The following SIPA1L2 variants were observed in gnomAD, a reference collection of about 807,000 sequenced individuals.
SIPA1L2 encodes the protein signal induced proliferation associated 1 like 2.
In SIPA1L2, 56 loss-of-function variants were observed where a neutral mutation model predicts 163.9. The observed-to-expected ratio is 0.34, with a 90% confidence interval of 0.28 to 0.43. SIPA1L2 has a LOEUF of 0.43. Ranked by LOEUF, SIPA1L2 falls within the 20% of genes least tolerant of loss-of-function variation. The probability of loss-of-function intolerance (pLI) is 1.00; values close to 1 mark genes in which losing one functional copy is unlikely to be tolerated. For synonymous variants in SIPA1L2, 877 were observed against 865.7 expected, an observed-to-expected ratio of 1.01 and a Z score of -0.23; for missense variants, 1,974 against 2,193.5, an observed-to-expected ratio of 0.90 and a Z score of 2.00.
intron 2 of SIPA1L2, among the ~76,000 whole-genome samples, chr1:232,535,669 C>A (rs912895605): frequency 7.9e-5 from 12 of 152,124 alleles, no homozygotes; most frequent in Admixed American, 7.9e-4. Context: ...ATACCATGAG[C>A]CTATGTCCAA....
At chr1:232,420,805 G>A (rs991633571) in intron 18 of SIPA1L2, among the ~76,000 whole-genome samples, 7 of 152,104 alleles carry the variant, frequency 4.6e-5, no homozygotes, top group Admixed American at 2.0e-4. Flanking sequence ...ACTGCACTCC[G>A]GCCTGAGCGA....
intron 2 of SIPA1L2, among the ~76,000 whole-genome samples, chr1:232,537,745 T>G (rs960046213): frequency 2.6e-5 from 4 of 152,166 alleles, no homozygotes; most frequent in Non-Finnish European, 5.9e-5. Context: ...ATCTGTAAAA[T>G]GGAGAATTAA....
intron 2 of SIPA1L2, among the ~76,000 whole-genome samples, chr1:232,555,164 T>C (rs1658626453): frequency 6.6e-6 from 1 of 152,194 alleles, no homozygotes; most frequent in Non-Finnish European, 1.5e-5. Flanking sequence ...TTCGAACAAA[T>C]GAAACCACCC....
chr1:232,529,959 G>A (rs1252995144), intron 2 of SIPA1L2, among the ~76,000 whole-genome samples: 2 of 152,208 alleles, frequency 1.3e-5, no homozygotes, highest in African/African-American at 2.4e-5. Context: ...GTTTGGGAGA[G>A]AAGTGCTGGT....
chr1:232,509,782 T>C (rs1666895588), intron 3 of SIPA1L2, among the ~76,000 whole-genome samples: 2 of 152,196 alleles, frequency 1.3e-5, no homozygotes, highest in African/African-American at 4.8e-5. Flanking sequence ...TTGTAACCAA[T>C]TTCACTTTGA....
intron 3 of SIPA1L2, 128 bp downstream of exon 3, chr1:232,513,729 G>C (rs1458255577): frequency 4.3e-5 from 42 of 970,144 alleles, no homozygotes; most frequent in Non-Finnish European, 5.9e-5. Context: ...TGGAGAACAA[G>C]GTCAGGCCCA....
rs77624213 is a variant in SIPA1L2, at chr1:232,472,762, C to A, written c.2086-1234G>T. On this transcript the variant is annotated intron_variant, in intron 7 of 22. Transcript: ENST00000674635. ...CCTTAAATTTATTTGGCACCTACAG[C>A]GCATATTCCAAGTAAAGACCATTAA... Among the ~76,000 whole-genome samples the A allele has an allele frequency of 7.1e-3, 1,087 of 152,246 alleles. 14 individuals carry two copies. Among genetic ancestry groups the A allele is most frequent in the African/African-American group, 0.025 (1,023 of 41,528 alleles).
chr1:232,528,095 T>C (rs1667802399), intron 2 of SIPA1L2, among the ~76,000 whole-genome samples: 6 of 130,970 alleles, frequency 4.6e-5, no homozygotes, highest in East Asian at 2.1e-4. Context: ...TATATATATA[T>C]ATATATAATC....
intron 1 of SIPA1L2, among the ~76,000 whole-genome samples, chr1:232,623,912 A>G (rs1047817738): frequency 2.6e-5 from 4 of 152,108 alleles, no homozygotes; most frequent in African/African-American, 4.8e-5. Context: ...GTGATAGTAC[A>G]ACAGTGGTCT....
At chr1:232,400,488 T>C (rs1379336103) in intron 22 of SIPA1L2, among the ~76,000 whole-genome samples, 1 of 152,112 alleles carries the variant, frequency 6.6e-6, no homozygotes, top group East Asian at 1.9e-4. Flanking sequence ...AGCAGCTCAC[T>C]ATGGGGGTCG....
intron 19 of SIPA1L2, among the ~76,000 whole-genome samples, chr1:232,406,554 G>A (rs373605565): frequency 1.3e-5 from 2 of 152,310 alleles, no homozygotes; most frequent in South Asian, 2.1e-4. Context: ...CCATGACCCC[G>A]TCTAGGATGC....
intron 22 of SIPA1L2, among the ~76,000 whole-genome samples, chr1:232,401,924 G>T (rs7414058): frequency 2.6e-4 from 40 of 152,198 alleles, no homozygotes; most frequent in African/African-American, 8.9e-4. Context: ...GTGGGATACA[G>T]AATTTAATTT....
At position 232,514,289 on chromosome 1, in the gene SIPA1L2, C is replaced by A; in HGVS notation, c.1051G>T (p.Val351Leu). The change falls in exon 3 of 23, where the codon GTG (valine) becomes TTG (leucine). Residue 351 changes from valine (V) to leucine (L), a missense_variant. Val to Leu is a conservative substitution (Grantham distance 32). Around this residue, in one of 3 missense-constraint regions of SIPA1L2, gnomAD observed 607 missense variants for 624.0 expected, o/e 0.97. Coordinates refer to ENST00000674635, the MANE Select transcript of SIPA1L2 (RefSeq NM_020808.5). ...GTGGTTATGTTTTTCCTTTTCCCCA[C>A]ATTAGCCCTCGTAGCCATGGCTTCG... ...INEAMATRAN[V>L]GKRKNITTGA... 1 of 1,613,886 alleles carries A rather than the reference C, an allele frequency of 6.2e-7. No individual in the cohort carries two copies. Among genetic ancestry groups the A allele is most frequent in the Non-Finnish European group, 8.5e-7 (1 of 1,180,046 alleles).
At chr1:232,556,872 T>C (rs1658741555) in intron 2 of SIPA1L2, among the ~76,000 whole-genome samples, 2 of 152,196 alleles carry the variant, frequency 1.3e-5, no homozygotes, top group Admixed American at 6.5e-5. Flanking sequence ...TAGATTCAGA[T>C]ATCAAAATCT....
chr1:232,623,288 T>C (rs924859425), intron 1 of SIPA1L2, among the ~76,000 whole-genome samples: 1 of 152,136 alleles, frequency 6.6e-6, no homozygotes, highest in African/African-American at 2.4e-5. Context: ...TTCGTCTGAG[T>C]GTGATAGTAT....
intron 2 of SIPA1L2, among the ~76,000 whole-genome samples, chr1:232,553,037 C>A (rs1658489031): frequency 6.6e-6 from 1 of 152,174 alleles, no homozygotes. Flanking sequence ...AGCTCAGTGC[C>A]CTCTTGGTAC....
chr1:232,486,458 AT>A (rs1665653652), intron 5 of SIPA1L2, among the ~76,000 whole-genome samples: 1 of 152,148 alleles, frequency 6.6e-6, no homozygotes, highest in South Asian at 2.1e-4. Context: ...TCCTGGGCCC[AT>A]GGGAATCAGT....
At chr1:232,420,999 T>A (rs1661545801) in intron 18 of SIPA1L2, among the ~76,000 whole-genome samples, 2 of 152,224 alleles carry the variant, frequency 1.3e-5, no homozygotes, top group Admixed American at 1.3e-4. Flanking sequence ...CACATACTAA[T>A]GTCAAACAAG....
chr1:232,423,014 G>C lies in SIPA1L2; in HGVS notation c.4630+2575C>G, dbSNP rs574960845. On this transcript the variant is annotated intron_variant, in intron 18 of 22. Coordinates refer to ENST00000674635, the MANE Select transcript of SIPA1L2 (RefSeq NM_020808.5). ...AATCATAATTCAAATTTTGAATTTT[G>C]AACTTTTCCCTGGCTAGTGATAGGC... is the stretch of plus-strand genomic sequence containing the variant. Among the ~76,000 whole-genome samples, 22 of 152,250 alleles carry C rather than the reference G, an allele frequency of 1.4e-4. 1 individual carries two copies. The South Asian group carries it at 4.4e-3, about 30-fold the overall frequency.
Sources: allele counts gnomAD v4.1 joint callset (sites outside exome capture counted in the v4.1 genomes callset), GRCh38; gene constraint gnomAD v4.1.1; regional missense constraint gnomAD v4.1.1; transcripts MANE v1.5; gene names NCBI Gene and HGNC (gene_info 2026-07-23, HGNC 2026-07-21).